NT5C2: variants seen among roughly 807,000 people sequenced by gnomAD.
NT5C2 encodes 5'-nucleotidase, cytosolic II.
A neutral mutation model predicts 76.1 loss-of-function variants in NT5C2; 58 were observed. The ratio of observed to expected loss-of-function variants is 0.76; its 90% confidence interval spans 0.62 to 0.95. NT5C2 has a LOEUF of 0.95. Among genes scored for constraint, NT5C2 ranks in the 40% least tolerant of loss-of-function variants. The pLI is 0.00. For synonymous variants in NT5C2, 229 were observed against 237.4 expected, an observed-to-expected ratio of 0.96 and a Z score of 0.32; for missense variants, 478 against 690.3, an observed-to-expected ratio of 0.69 and a Z score of 3.45.
Position 103,089,589 on chromosome 10 carries a change from A to G in NT5C2, c.*83T>C. On this transcript the variant is annotated 3_prime_UTR_variant, in exon 19 of 19. Coordinates refer to ENST00000404739, the MANE Select transcript of NT5C2 (RefSeq NM_001351169.2). ...ATGGAGCCCCCTCCCTCCCCCGAGTAGAACCCTAACAGGGACCTCGTTTGT... is the reference window on the plus strand; with the variant it reads ...ATGGAGCCCCCTCCCTCCCCCGAGTGGAACCCTAACAGGGACCTCGTTTGT... 2.1e-6 allele frequency: 3 copies of G among 1,455,810 alleles called. No homozygotes were observed. The highest frequency in any genetic ancestry group is 2.7e-6 in the Non-Finnish European group (3 of 1,102,720). 90.2% of individuals were successfully genotyped at this position (1,455,810 alleles called of 1,614,324 possible). A position where few individuals can be genotyped will look rare whatever the true frequency, so the allele number is the denominator to read the frequency against.
At chr10:103,116,565 G>A (rs1304530850) in intron 4 of NT5C2, among the ~76,000 whole-genome samples, 1 of 149,232 alleles carries the variant, frequency 6.7e-6, no homozygotes, top group Non-Finnish European at 1.5e-5. Context: ...GGCTGCTTCA[G>A]ATTTTTTTCT....
At chr10:103,190,004 T>C (rs1370780294) in intron 1 of NT5C2, among the ~76,000 whole-genome samples, 21 of 144,300 alleles carry the variant, frequency 1.5e-4, no homozygotes, top group African/African-American at 3.9e-4. Context: ...TTTCTTTTTT[T>C]TTTTTTTTTT....
At chr10:103,113,117 A>G (rs948117093) in intron 4 of NT5C2, among the ~76,000 whole-genome samples, 1 of 152,216 alleles carries the variant, frequency 6.6e-6, no homozygotes, top group African/African-American at 2.4e-5. Flanking sequence ...AATTTACTTA[A>G]AACAGCTAGA....
chr10:103,188,768 G>A (rs1252448311), intron 1 of NT5C2, among the ~76,000 whole-genome samples: 1 of 152,180 alleles, frequency 6.6e-6, no homozygotes, highest in Non-Finnish European at 1.5e-5. Context: ...TCGGGAGGCT[G>A]AGGTGGGCAG....
chr10:103,137,355 C>A (rs2079487835), intron 4 of NT5C2, among the ~76,000 whole-genome samples: 1 of 151,884 alleles, frequency 6.6e-6, no homozygotes, highest in South Asian at 2.1e-4. Flanking sequence ...AAGGTTAAGG[C>A]AATAGAAAAA....
At chr10:103,097,574 A>G (rs969133357) in intron 10 of NT5C2, among the ~76,000 whole-genome samples, 200 bp from the exon 11 acceptor site, 5 of 152,264 alleles carry the variant, frequency 3.3e-5, no homozygotes, top group Non-Finnish European at 7.3e-5. Flanking sequence ...TACACAGTGT[A>G]TGTAATAGAT....
chr10:103,102,946 G>C (rs1422087919), intron 6 of NT5C2, among the ~76,000 whole-genome samples: 2 of 151,804 alleles, frequency 1.3e-5, no homozygotes, highest in Non-Finnish European at 2.9e-5. Context: ...ACCACTTAGT[G>C]TGCAGAGAAG....
At chr10:103,100,758 C>A in intron 8 of NT5C2, 1 of 577,094 alleles carries the variant, frequency 1.7e-6, no homozygotes, top group South Asian at 1.5e-5. Context: ...AAACCTCCCA[C>A]TCAGTTGTCA....
At chr10:103,182,912 G>A (rs1158196867) in intron 1 of NT5C2, among the ~76,000 whole-genome samples, 3 of 152,034 alleles carry the variant, frequency 2.0e-5, no homozygotes. Flanking sequence ...TTCAGTCTTT[G>A]ATAACCCTAG....
chr10:103,189,392 G>C (rs1414971568), intron 1 of NT5C2, among the ~76,000 whole-genome samples: 1 of 151,884 alleles, frequency 6.6e-6, no homozygotes, highest in Non-Finnish European at 1.5e-5. Flanking sequence ...CGGATCATGA[G>C]GTAAAGAGAT....
chr10:103,159,775 A>G (rs978830140), intron 3 of NT5C2, among the ~76,000 whole-genome samples: 2 of 152,216 alleles, frequency 1.3e-5, no homozygotes, highest in African/African-American at 4.8e-5. Context: ...AAATAAATGG[A>G]AAGACATCCC....
chr10:103,126,431 C>G (rs10786739), intron 4 of NT5C2, among the ~76,000 whole-genome samples: 62,378 of 151,910 alleles, frequency 0.41, 13,001 homozygotes, highest in East Asian at 0.56. Flanking sequence ...AGACCAGCCT[C>G]GTCAATATGG....
chr10:103,145,250 A>ATT (rs2081272970), intron 3 of NT5C2, among the ~76,000 whole-genome samples: 1 of 152,198 alleles, frequency 6.6e-6, no homozygotes, highest in African/African-American at 2.4e-5. Flanking sequence ...AGGCAGCCTT[A>ATT]AAGCATGAAA....
At chr10:103,098,367 C>A in intron 10 of NT5C2, 2 of 239,704 alleles carry the variant, frequency 8.3e-6, no homozygotes, top group Non-Finnish European at 1.6e-5. Context: ...TTCCTCATTA[C>A]TCTCTGTTGA....
In NT5C2 at chr10:103,107,950, T is replaced by C. The variant is rs186670582; in HGVS notation, c.176-1244A>G. On this transcript the variant is annotated intron_variant, in intron 4 of 18. Transcript: ENST00000404739. ...CGGGCGGATCACTTGAGGTCAGGAG[T>C]TCCAGACCAGCCTGGCCAACACAGT... 5.2e-3 allele frequency among the ~76,000 whole-genome samples: 790 copies of C among 151,890 alleles called. 8 individuals are homozygous for C. The highest frequency in any genetic ancestry group is 0.018 in the African/African-American group (759 of 41,406).
rs186840780 is a variant in NT5C2, at chr10:103,089,085, G to A, written c.*587C>T. On this transcript the variant is annotated 3_prime_UTR_variant, in exon 19 of 19. Coordinates refer to ENST00000404739, the MANE Select transcript of NT5C2 (RefSeq NM_001351169.2). ...AAATAGAATCCTGCCCTAAAGCAAC[G>A]CAAGTAGAGCATACTTCTGTGCAAA... 4.9e-5 allele frequency: 11 copies of A among 224,558 alleles called. No homozygotes were observed. The highest frequency in any genetic ancestry group is 3.9e-4 in the East Asian group (6 of 15,442). The allele number at this position is 224,558 out of a possible 1,614,324, so 13.9% of individuals were successfully genotyped here.
At chr10:103,147,084 G>A (rs1490056878) in intron 3 of NT5C2, among the ~76,000 whole-genome samples, 4 of 152,052 alleles carry the variant, frequency 2.6e-5, no homozygotes, top group South Asian at 2.1e-4. Flanking sequence ...TTTTATAAAC[G>A]TGTCCATTTG....
chr10:103,147,270 C>A (rs1333802069), intron 3 of NT5C2, among the ~76,000 whole-genome samples: 2 of 152,228 alleles, frequency 1.3e-5, no homozygotes, highest in Non-Finnish European at 2.9e-5. Context: ...CAAAAACTTT[C>A]ATTTTGTCAA....
chr10:103,130,677 TCA>T (rs2078002543), intron 4 of NT5C2, among the ~76,000 whole-genome samples: 1 of 151,770 alleles, frequency 6.6e-6, no homozygotes, highest in Admixed American at 6.5e-5. Flanking sequence ...TATTTTTGCT[TCA>T]GTTACCCTCT....
Sources: allele counts gnomAD v4.1 joint callset (sites outside exome capture counted in the v4.1 genomes callset), GRCh38; gene constraint gnomAD v4.1.1; transcripts MANE v1.5; gene names NCBI Gene and HGNC (gene_info 2026-07-23, HGNC 2026-07-21).